The following GALNT9 variants were observed in gnomAD, a reference collection of about 807,000 sequenced individuals.
GALNT9 encodes the protein GalNAc transferase 9.
A neutral mutation model predicts 63.1 loss-of-function variants in GALNT9; 47 were observed. The ratio of observed to expected loss-of-function variants is 0.75; its 90% confidence interval spans 0.59 to 0.95. GALNT9 has a LOEUF of 0.95. GALNT9 is among the 40% of genes least tolerant of loss of function. The probability of loss-of-function intolerance (pLI) is 0.00; values close to 1 mark genes in which losing one functional copy is unlikely to be tolerated. For missense variants in GALNT9, 829 were observed against 874.8 expected (o/e 0.95, Z 0.66); for synonymous variants, 396 against 365.7 (o/e 1.08, Z -0.94).
intron 6 of GALNT9, chr12:132,247,600 C>A: frequency 1.9e-6 from 1 of 536,788 alleles, no homozygotes. Flanking sequence ...ACCCTGTCCC[C>A]GGACACTGCA....
chr12:132,212,096 G>T (rs912217256), intron 6 of GALNT9, among the ~76,000 whole-genome samples: 1 of 152,214 alleles, frequency 6.6e-6, no homozygotes, highest in Admixed American at 6.5e-5. Context: ...AGTTCCCAGA[G>T]AAGGATGCCA....
At chr12:132,271,592 A>G (rs1166237877) in intron 2 of GALNT9, among the ~76,000 whole-genome samples, 1 of 152,116 alleles carries the variant, frequency 6.6e-6, no homozygotes, top group African/African-American at 2.4e-5. Flanking sequence ...GTCTGCCCAC[A>G]AAACACTGGC....
chr12:132,248,909 CGCGGAGCAGTGAAGGCAGGATCT>C (rs1380241318), intron 5 of GALNT9, among the ~76,000 whole-genome samples: 37 of 152,232 alleles, frequency 2.4e-4, no homozygotes, highest in Middle Eastern at 3.4e-3. Flanking sequence ...AGGCAGGATC[CGCGGAGCAGTGAAGGCAGGATCT>C]GCGGAGCAGT....
chr12:132,214,639 A>T (rs2135516048), intron 6 of GALNT9, among the ~76,000 whole-genome samples: 1 of 152,292 alleles, frequency 6.6e-6, no homozygotes. Context: ...GGCCTTGCCC[A>T]TTCCTGGCCA....
intron 6 of GALNT9, chr12:132,240,679 C>G (rs1878238757): frequency 2.2e-6 from 1 of 455,888 alleles, no homozygotes. Context: ...TTTTCTTCCT[C>G]TTTTATTCTG....
At chr12:132,208,656 C>T (rs1434588318) in intron 6 of GALNT9, among the ~76,000 whole-genome samples, 1 of 152,222 alleles carries the variant, frequency 6.6e-6, no homozygotes, top group East Asian at 1.9e-4. Flanking sequence ...CAACCCCGCT[C>T]ACCTGGCTGC....
chr12:132,241,045 G>A (rs1386244837), intron 6 of GALNT9, among the ~76,000 whole-genome samples: 10 of 118,862 alleles, frequency 8.4e-5, no homozygotes, highest in African/African-American at 1.9e-4. Flanking sequence ...CCCTTCCAGG[G>A]GCCCTCCCTA....
Position 132,199,199 on chromosome 12 carries a change from T to G in GALNT9, c.1472A>C (p.Tyr491Ser), listed in dbSNP as rs1456238467. 1 of 1,602,746 alleles carries G rather than the reference T, an allele frequency of 6.2e-7. No homozygotes were observed. Residue 491 changes from tyrosine to serine, a missense_variant, in exon 9 of 11, where the codon TAC (tyrosine) becomes TCC (serine). By Grantham distance (144) the Tyr-to-Ser change is moderately radical. Coordinates refer to ENST00000328957, the MANE Select transcript of GALNT9 (RefSeq NM_001122636.2). ...CTGGGAGGACATCCCGTGGCAGGGG[T>G]AGAGGATCGCCCGGTCGCCGTCCTC... Reference protein sequence around the residue: ...GAEDGDRAILYPCHGMSSQLV... With the variant: ...GAEDGDRAILSPCHGMSSQLV...
intron 6 of GALNT9, among the ~76,000 whole-genome samples, chr12:132,235,234 C>G (rs1285689177): frequency 1.2e-4 from 18 of 151,630 alleles, no homozygotes; most frequent in Non-Finnish European, 2.2e-4. Flanking sequence ...AGCTGGCCCA[C>G]AAGCTCAGAG....
intron 1 of GALNT9, among the ~76,000 whole-genome samples, chr12:132,304,462 G>GCTCACCCAGACACAC (rs1881479108): frequency 9.5e-5 from 1 of 10,566 alleles, no homozygotes; most frequent in Non-Finnish European, 1.8e-4. Context: ...CCCGGGCACA[G>GCTCACCCAGACACAC]CCTCGCCCGG....
chr12:132,263,675 T>C (rs542926402), intron 2 of GALNT9, among the ~76,000 whole-genome samples: 134 of 152,270 alleles, frequency 8.8e-4, no homozygotes, highest in African/African-American at 3.1e-3. Context: ...TTCTGTCCCA[T>C]TGACAGCTCT....
Position 132,247,824 on chromosome 12 carries a change from G to A in GALNT9, c.1077+86C>T, listed in dbSNP as rs782182976. 2.7e-5 allele frequency: 42 copies of A among 1,535,424 alleles called. 1 individual carries two copies. Among genetic ancestry groups the A allele is most frequent in the South Asian group, 4.8e-5 (4 of 83,252 alleles). On this transcript the variant is annotated intron_variant, in intron 6 of 10. Coordinates refer to ENST00000328957, the MANE Select transcript of GALNT9 (RefSeq NM_001122636.2). ...CGCCCTCACCCCGTCCCCGGACACC[G>A]CGGCCTCACTCGCCCTCATCCTGTT...
chr12:132,259,441 A>G (rs1206181270), intron 4 of GALNT9, among the ~76,000 whole-genome samples: 1 of 152,210 alleles, frequency 6.6e-6, no homozygotes, highest in Non-Finnish European at 1.5e-5. Flanking sequence ...ACACGTCAGA[A>G]GCTGATAAAC....
rs1414341660 is a variant in GALNT9 at position 132,238,829 on chromosome 12, A to C, written c.1077+9081T>G. ...AACACACGTCTTTAAATCCACCCAA[A>C]GGATAACTGCATGAATTTTAACAGG... On this transcript the variant is annotated intron_variant, in intron 6 of 10. Coordinates refer to ENST00000328957, the MANE Select transcript of GALNT9 (RefSeq NM_001122636.2). The surrounding 1 kb of genome is among the most constrained non-coding windows in gnomAD (Gnocchi z 6.5). Among the ~76,000 whole-genome samples, 2 of 152,214 alleles carry C rather than the reference A, an allele frequency of 1.3e-5. No individual in the cohort carries two copies. Among genetic ancestry groups the C allele is most frequent in the African/African-American group, 2.4e-5 (1 of 41,442 alleles).
rs1340424911 is a variant in GALNT9, at chr12:132,286,551, T to C, written c.239-121A>G. On this transcript the variant is annotated intron_variant, in intron 1 of 10. Transcript: ENST00000328957. The surrounding 1 kb of genome is among the most constrained non-coding windows in gnomAD (Gnocchi z 7.4). The stretch of plus-strand genomic sequence containing the variant: ...TTCCCCCGGTACAAGCCCAGCAAAC[T>C]CCCTGCAGATGGCAGGCTGCCAGCT... 1.4e-6 allele frequency: 2 copies of C among 1,393,564 alleles called. No individual in the cohort carries two copies. The highest frequency in any genetic ancestry group is 2.9e-5 in the African/African-American group (2 of 68,748). 86.3% of individuals were successfully genotyped at this position (1,393,564 alleles called of 1,614,324 possible). A position where few individuals can be genotyped will look rare whatever the true frequency, so the allele number is the denominator to read the frequency against.
chr12:132,240,905 C>A (rs1439634441), intron 6 of GALNT9, among the ~76,000 whole-genome samples: 2 of 146,006 alleles, frequency 1.4e-5, no homozygotes, highest in Admixed American at 1.3e-4. Context: ...ACACACCCTT[C>A]CCGGGGCCCT....
intron 1 of GALNT9, among the ~76,000 whole-genome samples, chr12:132,302,228 C>G (rs1270947781): frequency 1.8e-4 from 11 of 60,528 alleles, no homozygotes; most frequent in African/African-American, 3.1e-4. Context: ...GTAGAAAATT[C>G]TACACACACA....
rs1869097597 is a variant in GALNT9, at chr12:132,327,749, AAGTCAGGGTGCTCTG to A, written c.238+1202_238+1216del. ...TGTGGGTGATGGGAAGGCGCTCAGGAAGTCAGGGTGCTCTGAGTCAGACAAAGCTGGGACAACCCC... is the reference window on the plus strand; with the variant it reads ...TGTGGGTGATGGGAAGGCGCTCAGGAAGTCAGACAAAGCTGGGACAACCCC... On this transcript the variant is annotated intron_variant, in intron 1 of 10. Coordinates refer to ENST00000328957, the MANE Select transcript of GALNT9 (RefSeq NM_001122636.2). This position sits in a 1 kb window ranked among gnomAD's most constrained non-coding sequence, Gnocchi z 4.3. Among the ~76,000 whole-genome samples the A allele has an allele frequency of 6.6e-6, 1 of 152,044 alleles. No individual in the cohort carries two copies. Among genetic ancestry groups the A allele is most frequent in the Admixed American group, 6.5e-5 (1 of 15,276 alleles).
rs1192817234 is a variant in GALNT9 at position 132,316,902 on chromosome 12, TCTACACCCCACAGAGCACAGCCTGCATC to T, written c.238+12036_238+12063del. Among the ~76,000 whole-genome samples the T allele has an allele frequency of 6.0e-5, 9 of 150,884 alleles. No homozygotes were observed. The highest frequency in any genetic ancestry group is 3.3e-4 in the Admixed American group (5 of 15,172). On this transcript the variant is annotated intron_variant, in intron 1 of 10. Coordinates refer to ENST00000328957, the MANE Select transcript of GALNT9 (RefSeq NM_001122636.2). The surrounding 1 kb of genome is among the most constrained non-coding windows in gnomAD (Gnocchi z 4.3). ...GAATGCTGCATGGCCTGGCCCCCAT[TCTACACCCCACAGAGCACAGCCTGCATC>T]CTACACCCCACAGAGCACAGCCTGC...
Sources: gnomAD v4.1 joint callset for allele counts (sites outside exome capture counted in the v4.1 genomes callset) on GRCh38, gnomAD v4.1.1 for gene constraint, Gnocchi (gnomAD v3.1) non-coding constraint, MANE v1.5 for transcripts, NCBI Gene and HGNC (gene_info 2026-07-23, HGNC 2026-07-21) for gene names.